The following ZNF618 variants were observed in gnomAD, a reference collection of about 807,000 sequenced individuals.
ZNF618 encodes zinc finger protein 618.
In ZNF618, 34 loss-of-function variants were observed where a neutral mutation model predicts 103.0. The observed-to-expected ratio is 0.33, with a 90% confidence interval of 0.25 to 0.44. ZNF618 has a LOEUF of 0.44. Among genes scored for constraint, ZNF618 ranks in the 20% least tolerant of loss-of-function variants. The pLI is 1.00. For missense variants in ZNF618, 1,059 were observed against 1,295.4 expected, an observed-to-expected ratio of 0.82 and a Z score of 2.80; for synonymous variants, 551 against 542.2, an observed-to-expected ratio of 1.02 and a Z score of -0.23.
chr9:113,935,843 G>A (rs1833982568), intron 1 of ZNF618, among the ~76,000 whole-genome samples: 1 of 152,158 alleles, frequency 6.6e-6, no homozygotes, highest in Non-Finnish European at 1.5e-5. Context: ...TGCTCCTAAG[G>A]CGGATTTGGG....
At chr9:113,902,223 T>G (rs549105442) in intron 1 of ZNF618, among the ~76,000 whole-genome samples, 8 of 152,270 alleles carry the variant, frequency 5.3e-5, no homozygotes, top group Admixed American at 2.0e-4. Context: ...TGTTTCGTCT[T>G]TGTAAATTGC....
chr9:114,030,261 A>T (rs1843889758), intron 11 of ZNF618, among the ~76,000 whole-genome samples: 1 of 152,206 alleles, frequency 6.6e-6, no homozygotes, highest in Non-Finnish European at 1.5e-5. Flanking sequence ...GTCAGCCTTG[A>T]AGGTTTGAAG....
At position 113,886,116 on chromosome 9, in the gene ZNF618, A is replaced by G. The variant is rs141955937; in HGVS notation, c.33+9703A>G. Among the ~76,000 whole-genome samples the G allele has an allele frequency of 5.4e-3, 827 of 152,320 alleles. 10 individuals are homozygous for G. Among genetic ancestry groups the G allele is most frequent in the African/African-American group, 0.019 (789 of 41,572 alleles). Reference sequence around the variant, plus strand: ...CCCCAGGGGTGGAAATGGCTCCTGCAAAGTGGAGGAGGCCTGAGTATCTCT... The same window carrying G: ...CCCCAGGGGTGGAAATGGCTCCTGCGAAGTGGAGGAGGCCTGAGTATCTCT... On this transcript the variant is annotated intron_variant, in intron 1 of 14. Coordinates refer to ENST00000374126, the MANE Select transcript of ZNF618 (RefSeq NM_001318042.2).
chr9:113,999,038 T>G (rs2133568062), intron 4 of ZNF618, among the ~76,000 whole-genome samples: 1 of 152,340 alleles, frequency 6.6e-6, no homozygotes, highest in Non-Finnish European at 1.5e-5. Flanking sequence ...CAGGGCTCCC[T>G]CTGCTGGGAT....
intron 10 of ZNF618, among the ~76,000 whole-genome samples, chr9:114,023,355 A>G (rs547968840): frequency 1.3e-5 from 2 of 152,216 alleles, no homozygotes; most frequent in South Asian, 2.1e-4. Flanking sequence ...AATTTATATC[A>G]TAACACATTA....
At chr9:113,959,832 C>T (rs959081094) in intron 1 of ZNF618, among the ~76,000 whole-genome samples, 7 of 152,182 alleles carry the variant, frequency 4.6e-5, no homozygotes, top group African/African-American at 9.7e-5. Context: ...TGGTCTCGAC[C>T]TCCTGACCTC....
chr9:113,887,098 T>G (rs1294932918), intron 1 of ZNF618, among the ~76,000 whole-genome samples: 2 of 151,102 alleles, frequency 1.3e-5, no homozygotes, highest in Admixed American at 6.6e-5. Context: ...CCTTTTATAG[T>G]AGAGGAAGTG....
rs576664806 is a variant in ZNF618, at chr9:114,022,251, G to A, written c.844+5467G>A. ...TCTTTTCTTGTAATGTTCTCGTCTC[G>A]TTGGGTATCAGAGTATTGCAGGCCT... On this transcript the variant is annotated intron_variant, in intron 10 of 14. Coordinates refer to ENST00000374126, the MANE Select transcript of ZNF618 (RefSeq NM_001318042.2). 1.4e-4 allele frequency among the ~76,000 whole-genome samples: 22 copies of A among 151,940 alleles called. No homozygotes were observed. In the South Asian group the frequency reaches 4.2e-3, roughly 29 times the overall value.
intron 13 of ZNF618, among the ~76,000 whole-genome samples, chr9:114,043,541 A>T (rs1845394329): frequency 6.6e-6 from 1 of 152,174 alleles, no homozygotes; most frequent in African/African-American, 2.4e-5. Context: ...CTGAATAGAC[A>T]TTTCTCCAAA....
chr9:113,943,818 T>C (rs1468428826), intron 1 of ZNF618, among the ~76,000 whole-genome samples: 1 of 152,172 alleles, frequency 6.6e-6, no homozygotes, highest in African/African-American at 2.4e-5. Context: ...TAGCCTTCCC[T>C]GTGCCGGTGG....
At chr9:113,917,322 T>A (rs936939615) in intron 1 of ZNF618, among the ~76,000 whole-genome samples, 1 of 150,394 alleles carries the variant, frequency 6.6e-6, no homozygotes, top group East Asian at 1.9e-4. Context: ...CTCCACTCAT[T>A]GTACTCACTA....
At chr9:114,022,992 T>C (rs1400960980) in intron 10 of ZNF618, among the ~76,000 whole-genome samples, 1 of 152,096 alleles carries the variant, frequency 6.6e-6, no homozygotes, top group Non-Finnish European at 1.5e-5. Context: ...GTATATCTCT[T>C]TTCATCATTT....
At chr9:113,886,792 A>G (rs895656764) in intron 1 of ZNF618, among the ~76,000 whole-genome samples, 8 of 152,132 alleles carry the variant, frequency 5.3e-5, no homozygotes, top group African/African-American at 1.9e-4. Context: ...AGCTGCATGT[A>G]GCTAGGAGTA....
At chr9:113,967,068 A>C (rs1588176450) in intron 1 of ZNF618, among the ~76,000 whole-genome samples, 2 of 152,346 alleles carry the variant, frequency 1.3e-5, no homozygotes, top group South Asian at 4.1e-4. Context: ...CTCTGTGTGA[A>C]ATTGTGAAGG....
At chr9:113,950,509 G>A (rs1835461513) in intron 1 of ZNF618, among the ~76,000 whole-genome samples, 1 of 152,160 alleles carries the variant, frequency 6.6e-6, no homozygotes, top group South Asian at 2.1e-4. Context: ...CAGGCAAGCT[G>A]GACCTGGTCT....
At chr9:113,969,290 G>A in intron 2 of ZNF618, 130 bp downstream of exon 2, 4 of 1,109,160 alleles carry the variant, frequency 3.6e-6, no homozygotes, top group Non-Finnish European at 5.4e-6. Context: ...TCCTTGGCAA[G>A]AAGTATCCAG....
At chr9:113,892,919 C>T (rs1829732351) in intron 1 of ZNF618, among the ~76,000 whole-genome samples, 1 of 152,190 alleles carries the variant, frequency 6.6e-6, no homozygotes, top group African/African-American at 2.4e-5. Context: ...AGGACTGTTT[C>T]TGGACTGTCT....
intron 1 of ZNF618, among the ~76,000 whole-genome samples, chr9:113,924,245 G>A (rs1832880968): frequency 1.3e-5 from 2 of 151,740 alleles, no homozygotes; most frequent in African/African-American, 4.8e-5. Flanking sequence ...TCTGAGTTTT[G>A]GTAGCCTGTG....
At chr9:114,027,630 C>T (rs1046039058) in intron 10 of ZNF618, among the ~76,000 whole-genome samples, 4 of 152,202 alleles carry the variant, frequency 2.6e-5, no homozygotes, top group African/African-American at 4.8e-5. Flanking sequence ...GCAGAGGTGG[C>T]GGGCCAGGGG....
Sources: gnomAD v4.1 joint callset for allele counts (sites outside exome capture counted in the v4.1 genomes callset) on GRCh38, gnomAD v4.1.1 for gene constraint, MANE v1.5 for transcripts, NCBI Gene and HGNC (gene_info 2026-07-23, HGNC 2026-07-21) for gene names.